Variants in COL11A1 observed in about 807,000 individuals in gnomAD.
COL11A1 encodes the protein collagen alpha-1(XI) chain.
Under a neutral mutation model 265.2 loss-of-function variants are expected in COL11A1, and 74 were observed. The ratio of observed to expected loss-of-function variants is 0.28; its 90% CI spans 0.23 to 0.34. The LOEUF (loss-of-function observed/expected upper bound fraction) is 0.34. Ranked by LOEUF, COL11A1 falls within the 10% of genes least tolerant of loss-of-function variation. The pLI, the probability that COL11A1 is intolerant of heterozygous loss-of-function variation, is 1.00. For synonymous variants in COL11A1, 816 were observed against 727.6 expected (o/e 1.12, Z -1.96); for missense variants, 2,165 against 2,263.6 (o/e 0.96, Z 0.88).
chr1:102,944,002 T>C (rs2616009), intron 42 of COL11A1, among the ~76,000 whole-genome samples: 137,660 of 152,026 alleles, frequency 0.91, 63,248 homozygotes, highest in East Asian at 1. Context: ...CTTTCCAGAC[T>C]CACCTCCTAG....
chr1:102,913,579 C>A lies in COL11A1; in HGVS notation c.4032+58G>T, dbSNP rs1654956528. 4.9e-6 allele frequency: 7 copies of A among 1,440,932 alleles called. No homozygotes were observed. The South Asian group carries it at 6.9e-5, about 14-fold the overall frequency. The allele number at this position is 1,440,932 out of a possible 1,614,324, so 89.3% of individuals were successfully genotyped here. A position where few individuals can be genotyped will look rare whatever the true frequency, so the allele number is the denominator to read the frequency against. Reference sequence around the variant, plus strand: ...AAAGGCTGATTACTTCTAATTATCTCATTAAAATGCCTTGAGACTATGTAA... The same window carrying A: ...AAAGGCTGATTACTTCTAATTATCTAATTAAAATGCCTTGAGACTATGTAA... On this transcript the variant is annotated intron_variant, in intron 53 of 66. Coordinates refer to ENST00000370096, the MANE Select transcript of COL11A1 (RefSeq NM_001854.4).
At chr1:103,014,465 T>A (rs764542366) in intron 13 of COL11A1, 46 bp downstream of exon 13, 2 of 1,459,908 alleles carry the variant, frequency 1.4e-6, no homozygotes, top group Non-Finnish European at 1.9e-6. Context: ...ATATACTTGA[T>A]ACAGAGTCAG....
In COL11A1 at chr1:102,889,556, G is replaced by A. The variant is rs184965786; in HGVS notation, c.4363C>T (p.Pro1455Ser). The change falls in exon 59 of 67, where the codon CCT becomes TCT. Residue 1455 changes from proline (P) to serine (S), a missense_variant. By Grantham distance (74) the Pro-to-Ser change is moderately conservative. Coordinates refer to ENST00000370096, the MANE Select transcript of COL11A1 (RefSeq NM_001854.4). ...GGACCAATCAGGCCAATTAAACCAG[G>A]ATGTCCCTTTGAAAGGCAGAGAAAA... The part of the protein sequence containing the change: ...DPGSKGEKGH[P>S]GLIGLIGPPG... 5.6e-6 allele frequency: 9 copies of A among 1,612,556 alleles called. No individual in the cohort carries two copies. The East Asian group carries it at 2.0e-4, about 36-fold the overall frequency.
intron 2 of COL11A1, among the ~76,000 whole-genome samples, chr1:103,080,116 A>G (rs889925523): frequency 1.3e-5 from 2 of 151,994 alleles, no homozygotes; most frequent in East Asian, 1.9e-4. Flanking sequence ...GTATGCAGCC[A>G]CTTAATGTAG....
chr1:102,985,718 A>G (rs771185333), intron 30 of COL11A1, among the ~76,000 whole-genome samples: 1 of 152,174 alleles, frequency 6.6e-6, no homozygotes, highest in Non-Finnish European at 1.5e-5. Flanking sequence ...GGGTAGTTTA[A>G]GCTCCTGATT....
chr1:102,933,962 C>T (rs548567252), intron 46 of COL11A1, among the ~76,000 whole-genome samples: 7 of 152,228 alleles, frequency 4.6e-5, no homozygotes, highest in East Asian at 3.9e-4. Context: ...ACACGGTGCG[C>T]GCACCCACTG....
chr1:103,093,562 C>T (rs1310544572), intron 1 of COL11A1, among the ~76,000 whole-genome samples: 1 of 152,082 alleles, frequency 6.6e-6, no homozygotes, highest in Non-Finnish European at 1.5e-5. Flanking sequence ...GGAAGGCATC[C>T]CTTATCTATA....
intron 38 of COL11A1, among the ~76,000 whole-genome samples, chr1:102,964,781 G>T (rs981902091): frequency 6.6e-6 from 1 of 152,066 alleles, no homozygotes; most frequent in African/African-American, 2.4e-5. Flanking sequence ...ATTAGCAGGG[G>T]CTAAATTCCA....
chr1:102,971,013 A>G (rs926265322), intron 36 of COL11A1, among the ~76,000 whole-genome samples: 2 of 32,462 alleles, frequency 6.2e-5, no homozygotes, highest in African/African-American at 1.7e-4. Flanking sequence ...AACAAAAAAC[A>G]AAACAAAACA....
chr1:103,065,452 G>A (rs902689144), intron 4 of COL11A1, among the ~76,000 whole-genome samples: 1 of 142,500 alleles, frequency 7.0e-6, no homozygotes, highest in Non-Finnish European at 1.5e-5. Flanking sequence ...CCCGGGAGGC[G>A]GAGCTTGCAA....
At chr1:103,045,778 C>A (rs1425464064) in intron 4 of COL11A1, among the ~76,000 whole-genome samples, 1 of 148,104 alleles carries the variant, frequency 6.8e-6, no homozygotes, top group Non-Finnish European at 1.5e-5. Flanking sequence ...CTACCCCCAC[C>A]CCACAACAGT....
chr1:102,890,944 G>A (rs1280222280), intron 57 of COL11A1, among the ~76,000 whole-genome samples: 3 of 151,186 alleles, frequency 2.0e-5, no homozygotes, highest in African/African-American at 7.3e-5. Flanking sequence ...ATAACCACAG[G>A]AAAAAAAATA....
Position 102,881,705 on chromosome 1 carries a change from C to G in COL11A1, c.5032G>C (p.Gly1678Arg). ...PGSWFSEFKR[G>R]KLLSYLDVEG... is the part of the protein sequence containing the mutation. ...TTGAGGTAATAACATACCAGTTTTC[C>G]CCTCTTAAATTCACTAAACCAACTT... The change falls in exon 65 of 67, where the codon GGA becomes CGA. Residue 1678 changes from glycine (G) to arginine (R), a missense_variant. Transcript: ENST00000370096. 6.2e-7 allele frequency: 1 copy of G among 1,611,750 alleles called. No individual in the cohort carries two copies. The highest frequency in any genetic ancestry group is 1.1e-5 in the South Asian group (1 of 91,038).
intron 41 of COL11A1, among the ~76,000 whole-genome samples, chr1:102,952,043 CAAG>C (rs1322140158): frequency 1.3e-5 from 2 of 151,862 alleles, no homozygotes; most frequent in Non-Finnish European, 2.9e-5. Context: ...TAACATATAT[CAAG>C]AAGAGACAGA....
intron 49 of COL11A1, among the ~76,000 whole-genome samples, chr1:102,917,905 A>T (rs1655533352): frequency 6.6e-6 from 1 of 151,700 alleles, no homozygotes; most frequent in Non-Finnish European, 1.5e-5. Context: ...TGTCCAAAAT[A>T]TATGAAAACT....
intron 1 of COL11A1, among the ~76,000 whole-genome samples, chr1:103,088,148 TA>T (rs1673024983): frequency 6.6e-6 from 1 of 152,204 alleles, no homozygotes; most frequent in Admixed American, 6.5e-5. Context: ...GTTTCATCTC[TA>T]ATTCCTTCTC....
At chr1:103,065,954 T>C (rs955658743) in intron 4 of COL11A1, among the ~76,000 whole-genome samples, 1 of 151,790 alleles carries the variant, frequency 6.6e-6, no homozygotes, top group Non-Finnish European at 1.5e-5. Context: ...TGAATGTGAG[T>C]TGTGCATCAG....
At chr1:102,918,542 A>T (rs1296270880) in intron 49 of COL11A1, among the ~76,000 whole-genome samples, 1 of 151,778 alleles carries the variant, frequency 6.6e-6, no homozygotes, top group Non-Finnish European at 1.5e-5. Context: ...TTTGTAATCT[A>T]TTAGAAATTA....
At chr1:102,895,901 C>T (rs1367557601) in intron 57 of COL11A1, among the ~76,000 whole-genome samples, 1 of 151,436 alleles carries the variant, frequency 6.6e-6, no homozygotes, top group Non-Finnish European at 1.5e-5. Context: ...TAATAGTCAA[C>T]AACTTGCATA....
Sources: allele counts gnomAD v4.1 joint callset (sites outside exome capture counted in the v4.1 genomes callset), GRCh38; gene constraint gnomAD v4.1.1; transcripts MANE v1.5; gene names NCBI Gene and HGNC (gene_info 2026-07-23, HGNC 2026-07-21).